L2HGDH: variants seen among roughly 807,000 people sequenced by gnomAD.
The protein encoded by L2HGDH is L-2-hydroxyglutarate dehydrogenase.
L2HGDH carries 34 observed loss-of-function variants against 51.5 expected under a neutral mutation model. That is an observed-to-expected ratio of 0.66 (90% CI 0.50 to 0.88). L2HGDH has a LOEUF of 0.88. L2HGDH is among the 40% of genes least tolerant of loss of function. L2HGDH has a pLI of 0.00. For missense variants in L2HGDH, 558 were observed against 571.9 expected (o/e 0.98, Z 0.25); for synonymous variants, 198 against 197.9 (o/e 1.00, Z -0.01).
At chr14:50,298,831 C>T (rs544625648) in intron 3 of L2HGDH, among the ~76,000 whole-genome samples, 10 of 152,076 alleles carry the variant, frequency 6.6e-5, no homozygotes, top group South Asian at 6.2e-4. Flanking sequence ...TGGGAAACAG[C>T]GAAAGCCGTA....
intron 9 of L2HGDH, 104 bp downstream of exon 9, chr14:50,265,254 G>T: frequency 2.0e-6 from 2 of 976,384 alleles, no homozygotes; most frequent in Non-Finnish European, 3.2e-6. Flanking sequence ...CAGTGCATAT[G>T]CAGACTGACT....
At chr14:50,309,755 T>A (rs1436016935) in intron 1 of L2HGDH, among the ~76,000 whole-genome samples, 1 of 150,892 alleles carries the variant, frequency 6.6e-6, no homozygotes, top group Non-Finnish European at 1.5e-5. Flanking sequence ...TAATCACAGG[T>A]CACCACACCT....
chr14:50,261,130 T>A (rs867467632), intron 9 of L2HGDH, among the ~76,000 whole-genome samples: 2 of 150,918 alleles, frequency 1.3e-5, no homozygotes, highest in Admixed American at 6.6e-5. Context: ...AAAAAAAAAA[T>A]TATACAATGA....
chr14:50,289,504 T>C (rs1890749943), intron 4 of L2HGDH, among the ~76,000 whole-genome samples: 1 of 152,184 alleles, frequency 6.6e-6, no homozygotes, highest in Non-Finnish European at 1.5e-5. Flanking sequence ...ATTAGCTTTA[T>C]TAGAAATTCA....
chr14:50,299,505 C>A (rs1321375003), intron 3 of L2HGDH, among the ~76,000 whole-genome samples: 2 of 152,104 alleles, frequency 1.3e-5, no homozygotes, highest in African/African-American at 2.4e-5. Flanking sequence ...CAAACCCAGA[C>A]AAAGACACAT....
Position 50,294,265 on chromosome 14 carries a change from A to G in L2HGDH, c.409-19T>C, listed in dbSNP as rs754199110. 13 of 1,608,068 alleles carry G rather than the reference A, an allele frequency of 8.1e-6. No individual in the cohort carries two copies. The highest frequency in any genetic ancestry group is 1.1e-5 in the Non-Finnish European group (13 of 1,178,292). On this transcript the variant is annotated intron_variant, in intron 3 of 9. Transcript: ENST00000267436. The stretch of plus-strand genomic sequence containing the variant: ...CTATAAGCTTCAAAAAAAAAAAGGT[A>G]AGGAGCATGGATAGAGGTGAATGTA...
At chr14:50,280,408 C>T (rs563732471) in intron 5 of L2HGDH, among the ~76,000 whole-genome samples, 2 of 152,210 alleles carry the variant, frequency 1.3e-5, no homozygotes, top group Admixed American at 6.5e-5. Flanking sequence ...TCAGGTGATC[C>T]GCCTGCCTTG....
intron 7 of L2HGDH, among the ~76,000 whole-genome samples, 197 bp downstream of exon 7, chr14:50,268,966 C>T (rs1889509724): frequency 6.6e-6 from 1 of 152,060 alleles, no homozygotes; most frequent in South Asian, 2.1e-4. Context: ...TACCTGCAGG[C>T]AATTAATTAC....
chr14:50,291,252 G>A (rs1890875094), intron 4 of L2HGDH, among the ~76,000 whole-genome samples: 1 of 149,424 alleles, frequency 6.7e-6, no homozygotes, highest in Admixed American at 6.7e-5. Flanking sequence ...TAGTTTTCAG[G>A]CCATACAAAA....
In L2HGDH at chr14:50,312,196, G is replaced by A. The variant is rs752536052; in HGVS notation, c.-46C>T. On this transcript the variant is annotated 5_prime_UTR_variant, in exon 1 of 10. Transcript: ENST00000267436. ...CCTCAGCGCTCAGAAGAAGCCACTT[G>A]ACCCTCCACGGCCGAGGACCCGCGC... is the stretch of plus-strand genomic sequence containing the variant. 3.1e-6 allele frequency: 5 copies of A among 1,602,986 alleles called. No individual in the cohort carries two copies. In the East Asian group the frequency reaches 9.0e-5, roughly 29 times the overall value.
chr14:50,282,654 A>C, intron 5 of L2HGDH: 1 of 370,104 alleles, frequency 2.7e-6, no homozygotes, highest in Non-Finnish European at 5.4e-6. Context: ...CTGTTTTCTC[A>C]CCCTAAAAAA....
At chr14:50,265,616 A>G in intron 8 of L2HGDH, 127 bp from the exon 9 acceptor site, 1 of 896,772 alleles carries the variant, frequency 1.1e-6, no homozygotes, top group Non-Finnish European at 1.7e-6. Context: ...AAAACTACAG[A>G]TTAAAAGAAA....
chr14:50,278,090 C>A (rs1046574301), intron 6 of L2HGDH, among the ~76,000 whole-genome samples: 1 of 152,158 alleles, frequency 6.6e-6, no homozygotes. Flanking sequence ...AGCGAACCTA[C>A]AGGGAATCCA....
At chr14:50,295,348 C>G (rs2029965926) in intron 3 of L2HGDH, among the ~76,000 whole-genome samples, 1 of 152,054 alleles carries the variant, frequency 6.6e-6, no homozygotes, top group South Asian at 2.1e-4. Flanking sequence ...GCACTCCAGC[C>G]TAGGCAACAG....
chr14:50,282,315 C>T (rs1028599745), intron 5 of L2HGDH: 10 of 387,158 alleles, frequency 2.6e-5, no homozygotes, highest in African/African-American at 1.3e-4. Flanking sequence ...CTAGACCTCC[C>T]CTCTGCAATT....
In L2HGDH at chr14:50,283,945, C is replaced by A. The variant is rs1317696979; in HGVS notation, c.629G>T (p.Gly210Val). The change falls in exon 5 of 10, where the codon GGT becomes GTT. Residue 210 changes from glycine (G) to valine (V), a missense_variant. Gly to Val is a moderately radical substitution (Grantham distance 109, BLOSUM62 -3). Transcript: ENST00000267436. ...TTCAAAATTGGTCAAGACAGAGCCA[C>A]CTGCTTCTTGGAAATCCTGGGCAAA... Reference protein sequence around the residue: ...LSFAQDFQEAGGSVLTNFEVK... With the variant: ...LSFAQDFQEAVGSVLTNFEVK... 2 of 1,613,976 alleles carry A rather than the reference C, an allele frequency of 1.2e-6. No individual in the cohort carries two copies. The highest frequency in any genetic ancestry group is 1.7e-6 in the Non-Finnish European group (2 of 1,180,002).
chr14:50,278,862 T>C (rs566267201), intron 5 of L2HGDH, among the ~76,000 whole-genome samples: 7 of 152,334 alleles, frequency 4.6e-5, no homozygotes, highest in African/African-American at 1.4e-4. Flanking sequence ...CAATGTAAAA[T>C]GGATAATCAT....
At chr14:50,253,191 T>C (rs1403387990) in intron 9 of L2HGDH, among the ~76,000 whole-genome samples, 1 of 151,944 alleles carries the variant, frequency 6.6e-6, no homozygotes, top group East Asian at 1.9e-4. Context: ...TGGGATCACA[T>C]CAAGTTAAAA....
intron 4 of L2HGDH, among the ~76,000 whole-genome samples, chr14:50,289,009 A>T (rs956540911): frequency 6.6e-6 from 1 of 152,178 alleles, no homozygotes; most frequent in African/African-American, 2.4e-5. Flanking sequence ...GTTTAATCTA[A>T]ATTTTTTAAG....
Sources: gnomAD v4.1 joint callset for allele counts (sites outside exome capture counted in the v4.1 genomes callset) on GRCh38, gnomAD v4.1.1 for gene constraint, MANE v1.5 for transcripts, NCBI Gene and HGNC (gene_info 2026-07-23, HGNC 2026-07-21) for gene names.